QRICH1: variants seen among roughly 807,000 people sequenced by gnomAD.
QRICH1 encodes the protein glutamine rich 1, also known as transcriptional regulator QRICH1.
In QRICH1, 16 loss-of-function variants were observed where a neutral mutation model predicts 87.1. The observed-to-expected ratio is 0.18, with a 90% CI of 0.12 to 0.28. The LOEUF is 0.28. Ranked by LOEUF, QRICH1 falls within the 10% of genes least tolerant of loss-of-function variation. QRICH1 has a pLI of 1.00. For missense variants in QRICH1, 647 were observed against 951.7 expected (o/e 0.68, Z 4.21); for synonymous variants, 367 against 368.4 (o/e 1.00, Z 0.05).
chr3:49,039,445 C>T (rs2093296266), intron 6 of QRICH1, among the ~76,000 whole-genome samples: 2 of 151,396 alleles, frequency 1.3e-5, no homozygotes, highest in Non-Finnish European at 2.9e-5. Flanking sequence ...CTTCGGGAGG[C>T]CGAGGCGGGC....
At chr3:49,034,202 G>A (rs1313229177) in intron 6 of QRICH1, among the ~76,000 whole-genome samples, 1 of 151,498 alleles carries the variant, frequency 6.6e-6, no homozygotes, top group African/African-American at 2.4e-5. Context: ...GAGAACTTTG[G>A]GAGGCGGAGG....
At chr3:49,060,361 T>A (rs1232504323) in intron 2 of QRICH1, among the ~76,000 whole-genome samples, 2 of 149,578 alleles carry the variant, frequency 1.3e-5, no homozygotes, top group African/African-American at 2.5e-5. Context: ...GACTGGCTAA[T>A]TTTTTGTATT....
chr3:49,091,221 T>C (rs2107061720), intron 1 of QRICH1, among the ~76,000 whole-genome samples: 1 of 152,100 alleles, frequency 6.6e-6, no homozygotes, highest in South Asian at 2.1e-4. Context: ...AGACTCCGTC[T>C]CAAAAAATAA....
intron 1 of QRICH1, among the ~76,000 whole-genome samples, chr3:49,090,713 C>T (rs1281984705): frequency 6.6e-6 from 1 of 152,054 alleles, no homozygotes; most frequent in Non-Finnish European, 1.5e-5. Flanking sequence ...CAGTTTTGCC[C>T]TGGCCTGAAG....
chr3:49,068,464 A>AT (rs1553745473), intron 2 of QRICH1, among the ~76,000 whole-genome samples: 184 of 63,440 alleles, frequency 2.9e-3, no homozygotes, highest in African/African-American at 0.01. Flanking sequence ...TCTCAAAAAA[A>AT]TTAAAAAAAA....
At chr3:49,035,990 G>C (rs2093273136) in intron 6 of QRICH1, among the ~76,000 whole-genome samples, 1 of 151,840 alleles carries the variant, frequency 6.6e-6, no homozygotes, top group Non-Finnish European at 1.5e-5. Flanking sequence ...AAGCTGAGAG[G>C]TAGAAGGATT....
intron 3 of QRICH1, among the ~76,000 whole-genome samples, chr3:49,048,766 T>G (rs1575337467): frequency 1.1e-5 from 1 of 93,770 alleles, no homozygotes; most frequent in African/African-American, 4.4e-5. Flanking sequence ...CCAGCCTGGG[T>G]AACAGAGTGA....
At chr3:49,053,707 GA>G (rs973592857) in intron 3 of QRICH1, among the ~76,000 whole-genome samples, 16 of 152,240 alleles carry the variant, frequency 1.1e-4, no homozygotes, top group African/African-American at 3.9e-4. Context: ...AAGTAGAACA[GA>G]AAAATGGGGC....
At chr3:49,072,458 T>G (rs1315318254) in intron 2 of QRICH1, among the ~76,000 whole-genome samples, 1 of 147,376 alleles carries the variant, frequency 6.8e-6, no homozygotes, top group Non-Finnish European at 1.5e-5. Flanking sequence ...CCTGGGAGGC[T>G]GGGGTTGCAG....
At position 49,076,952 on chromosome 3, in the gene QRICH1, G is replaced by A. The variant is rs1323188645; in HGVS notation, c.66C>T (p.Val22=). 1 of 1,602,554 alleles carries A rather than the reference G, an allele frequency of 6.2e-7. No individual in the cohort carries two copies. The highest frequency in any genetic ancestry group is 1.7e-5 in the Admixed American group (1 of 58,874). ...GAAATTCCTTCATCCTGTGTTGCGGGACAGACCGTGCCTTTACTCGGATGT... is the reference window on the plus strand; with the variant it reads ...GAAATTCCTTCATCCTGTGTTGCGGAACAGACCGTGCCTTTACTCGGATGT... ...EEYIRVKARS[V]PQHRMKEFLD... The change falls in exon 2 of 10, where the codon GTC becomes GTT. Residue 22 remains valine (V), a synonymous_variant. Coordinates refer to ENST00000395443, the MANE Select transcript of QRICH1 (RefSeq NM_198880.3).
Position 49,063,925 on chromosome 3 carries a change from G to C in QRICH1, c.310-6035C>G, listed in dbSNP as rs2093450635. On this transcript the variant is annotated intron_variant, in intron 2 of 9. Coordinates refer to ENST00000395443, the MANE Select transcript of QRICH1 (RefSeq NM_198880.3). Reference sequence around the variant, plus strand: ...TAATTTTTTAATTCTTTTTTTATTTGAGATGGAGTTTCACTCTGTTGCCCT... The same window carrying C: ...TAATTTTTTAATTCTTTTTTTATTTCAGATGGAGTTTCACTCTGTTGCCCT... Among the ~76,000 whole-genome samples the C allele has an allele frequency of 2.0e-5, 3 of 151,964 alleles. No homozygotes were observed. The South Asian group carries it at 6.2e-4, about 32-fold the overall frequency.
At chr3:49,055,975 G>A (rs2093399878) in intron 3 of QRICH1, among the ~76,000 whole-genome samples, 1 of 151,546 alleles carries the variant, frequency 6.6e-6, no homozygotes, top group African/African-American at 2.4e-5. Context: ...CACCGTGCCT[G>A]GCCCCTACTT....
chr3:49,057,129 G>C lies in QRICH1; in HGVS notation c.1071C>G (p.Asp357Glu), dbSNP rs1471850527. ...TALAAVKLEDDKEKMVGTTSV... is the reference protein window; with the variant it reads ...TALAAVKLEDEKEKMVGTTSV... ...ATGTGGTGCCCACCATCTTCTCCTT[G>C]TCATCCTCCAGCTTAACAGCTGCCA... Residue 357 changes from aspartate (D) to glutamate (E), a missense_variant, in exon 3 of 10, where the codon GAC becomes GAG. By Grantham distance (45) the Asp-to-Glu change is conservative. Transcript: ENST00000395443. This position sits in a 1 kb window ranked among gnomAD's most constrained non-coding sequence, Gnocchi z 5.4. 1 of 1,614,174 alleles carries C rather than the reference G, an allele frequency of 6.2e-7. No homozygotes were observed. Among genetic ancestry groups the C allele is most frequent in the Non-Finnish European group, 8.5e-7 (1 of 1,180,036 alleles).
intron 1 of QRICH1, among the ~76,000 whole-genome samples, chr3:49,090,763 G>A (rs1350024930): frequency 1.3e-5 from 2 of 152,120 alleles, no homozygotes; most frequent in African/African-American, 2.4e-5. Flanking sequence ...TTTCAGCAAA[G>A]GAAGAAATTA....
chr3:49,062,718 T>TA (rs545779499), intron 2 of QRICH1, among the ~76,000 whole-genome samples: 126 of 150,430 alleles, frequency 8.4e-4, no homozygotes, highest in African/African-American at 2.8e-3. Context: ...GTATATTTTT[T>TA]AAAAAAAGGC....
chr3:49,035,158 AAAG>A (rs779264938), intron 6 of QRICH1, among the ~76,000 whole-genome samples: 4 of 152,148 alleles, frequency 2.6e-5, no homozygotes, highest in Non-Finnish European at 4.4e-5. Flanking sequence ...CCTTCTCAGC[AAAG>A]AAGGATTCAA....
chr3:49,075,592 T>C (rs140519943), intron 2 of QRICH1, among the ~76,000 whole-genome samples: 9 of 152,164 alleles, frequency 5.9e-5, no homozygotes, highest in Non-Finnish European at 7.4e-5. Flanking sequence ...GATGGCTCCA[T>C]TGCATTCTAG....
At chr3:49,047,562 C>T (rs2093346018) in intron 3 of QRICH1, among the ~76,000 whole-genome samples, 1 of 149,742 alleles carries the variant, frequency 6.7e-6, no homozygotes, top group Non-Finnish European at 1.5e-5. Context: ...CAGCTCACTG[C>T]ACCCTCCGCC....
chr3:49,072,912 C>T (rs999407573), intron 2 of QRICH1, among the ~76,000 whole-genome samples: 9 of 151,084 alleles, frequency 6.0e-5, no homozygotes, highest in African/African-American at 1.9e-4. Context: ...CATGGTGGCA[C>T]GCACCTGTAG....
Sources: allele counts gnomAD v4.1 joint callset (sites outside exome capture counted in the v4.1 genomes callset), GRCh38; gene constraint gnomAD v4.1.1; non-coding constraint Gnocchi (gnomAD v3.1); transcripts MANE v1.5; gene names NCBI Gene and HGNC (gene_info 2026-07-23, HGNC 2026-07-21).